The following COBL variants were observed in gnomAD, a reference collection of about 807,000 sequenced individuals.
COBL encodes the protein cordon-bleu WH2 repeat protein, also known as protein cordon-bleu.
Under a neutral mutation model 98.8 loss-of-function variants are expected in COBL, and 51 were observed. The observed-to-expected ratio is 0.52, with a 90% CI of 0.41 to 0.65. The LOEUF is 0.65. Among genes scored for constraint, COBL ranks in the 30% least tolerant of loss-of-function variants. The pLI is 0.00. For synonymous variants in COBL, 634 were observed against 651.7 expected (o/e 0.97, Z 0.41); for missense variants, 1,617 against 1,617.5 (o/e 1.00, Z 0.01).
chr7:51,133,429 T>C (rs1798933761), intron 6 of COBL, among the ~76,000 whole-genome samples: 1 of 152,164 alleles, frequency 6.6e-6, no homozygotes, highest in South Asian at 2.1e-4. Context: ...AGCCAGCAGC[T>C]GAGGGAGGTA....
At chr7:51,267,269 A>G (rs1332330200) in intron 1 of COBL, among the ~76,000 whole-genome samples, 1 of 152,174 alleles carries the variant, frequency 6.6e-6, no homozygotes. Context: ...ACTTTATGAA[A>G]GATTTTCCTC....
chr7:51,128,201 A>G (rs1256045041), intron 6 of COBL, among the ~76,000 whole-genome samples: 1 of 152,234 alleles, frequency 6.6e-6, no homozygotes. Context: ...CTTCTTTTGC[A>G]GGCATCTCTG....
intron 1 of COBL, among the ~76,000 whole-genome samples, chr7:51,248,284 C>T (rs905361603): frequency 1.3e-5 from 2 of 152,072 alleles, no homozygotes; most frequent in Non-Finnish European, 2.9e-5. Flanking sequence ...TGCTCTATCT[C>T]GTTGATTTAG....
chr7:51,187,240 G>T (rs1445338928), intron 4 of COBL, among the ~76,000 whole-genome samples: 1 of 151,338 alleles, frequency 6.6e-6, no homozygotes, highest in Non-Finnish European at 1.5e-5. Flanking sequence ...GGAAGCGGGG[G>T]ACCAGGTCAA....
At chr7:51,162,008 C>T (rs193228541) in intron 5 of COBL, among the ~76,000 whole-genome samples, 1 of 152,290 alleles carries the variant, frequency 6.6e-6, no homozygotes, top group East Asian at 1.9e-4. Flanking sequence ...CTTGTCTCAT[C>T]CGTTAGCACA....
intron 5 of COBL, chr7:51,156,312 C>G (rs1786126382): frequency 1.2e-5 from 12 of 985,234 alleles, no homozygotes; most frequent in Non-Finnish European, 1.3e-5. Flanking sequence ...GATGTCCAGA[C>G]AGTAGTTATT....
rs1129262 is a variant in COBL, at chr7:51,025,352, C to T, written c.3525G>A (p.Glu1175=). The part of the protein sequence containing the change: ...SLRKVASSAS[E]ELQSFRDAAL... The stretch of plus-strand genomic sequence containing the variant: ...CGGCATCTCGGAAGCTCTGGAGCTC[C>T]TCAGAAGCAGAGGATGCCACCTGGC... Residue 1175 remains glutamate, a synonymous_variant, in exon 12 of 13, where the codon GAG becomes GAA. Transcript: ENST00000265136. 9.2e-3 allele frequency: 14,864 copies of T among 1,613,308 alleles called. 98 individuals carry two copies. The highest frequency in any genetic ancestry group is 0.011 in the Non-Finnish European group (12,480 of 1,180,000).
At chr7:51,199,127 T>C (rs943405535) in intron 2 of COBL, among the ~76,000 whole-genome samples, 5 of 152,134 alleles carry the variant, frequency 3.3e-5, no homozygotes, top group African/African-American at 1.2e-4. Flanking sequence ...CAACTGCAGA[T>C]ACTAAAGTAG....
intron 11 of COBL, among the ~76,000 whole-genome samples, chr7:51,025,797 T>A (rs760033274): frequency 2.6e-5 from 4 of 152,150 alleles, no homozygotes; most frequent in African/African-American, 4.8e-5. Flanking sequence ...CACAGCTGAT[T>A]ATCTTACCCC....
intron 7 of COBL, among the ~76,000 whole-genome samples, chr7:51,061,631 G>C (rs148196779): frequency 0.011 from 1,738 of 152,266 alleles, 28 homozygotes; most frequent in South Asian, 0.046. Flanking sequence ...CTGTTTACCA[G>C]AGTGATCAGC....
intron 1 of COBL, among the ~76,000 whole-genome samples, chr7:51,287,524 C>T (rs952644053): frequency 6.6e-6 from 1 of 152,178 alleles, no homozygotes; most frequent in Admixed American, 6.5e-5. Context: ...TCATGCACTG[C>T]TGGTGGGAAT....
intron 1 of COBL, among the ~76,000 whole-genome samples, chr7:51,235,039 G>C (rs1420103968): frequency 1.3e-5 from 2 of 152,116 alleles, no homozygotes; most frequent in East Asian, 1.9e-4. Flanking sequence ...GGGTCCTGAG[G>C]GACAGTCTGC....
At chr7:51,246,447 T>C (rs529491853) in intron 1 of COBL, among the ~76,000 whole-genome samples, 1 of 152,230 alleles carries the variant, frequency 6.6e-6, no homozygotes, top group South Asian at 2.1e-4. Flanking sequence ...CAATCATGGC[T>C]CACTCCCCAA....
chr7:51,220,305 G>A (rs1447599374), intron 1 of COBL, among the ~76,000 whole-genome samples: 4 of 152,130 alleles, frequency 2.6e-5, no homozygotes, highest in Admixed American at 6.5e-5. Context: ...TGATCACAAT[G>A]AATCAGGTGG....
chr7:51,257,803 C>T (rs113259344), intron 1 of COBL, among the ~76,000 whole-genome samples: 50 of 152,078 alleles, frequency 3.3e-4, no homozygotes, highest in Non-Finnish European at 6.0e-4. Context: ...GTAAAATAAT[C>T]TGATCTTTAA....
At chr7:51,263,606 AGT>A (rs1372455375) in intron 1 of COBL, among the ~76,000 whole-genome samples, 5 of 151,826 alleles carry the variant, frequency 3.3e-5, no homozygotes, top group Non-Finnish European at 5.9e-5. Flanking sequence ...CCCACACCTG[AGT>A]GCTTTTAGTT....
At chr7:51,233,732 G>A (rs928521440) in intron 1 of COBL, among the ~76,000 whole-genome samples, 5 of 152,146 alleles carry the variant, frequency 3.3e-5, no homozygotes, top group South Asian at 4.1e-4. Flanking sequence ...TTGGGGCCAC[G>A]GACTCACATG....
At chr7:51,169,255 C>A (rs968656264) in intron 5 of COBL, among the ~76,000 whole-genome samples, 1 of 152,028 alleles carries the variant, frequency 6.6e-6, no homozygotes, top group Admixed American at 6.6e-5. Flanking sequence ...GCTGGAAGTC[C>A]CCCAACACCC....
intron 4 of COBL, among the ~76,000 whole-genome samples, chr7:51,187,459 A>G (rs1478711946): frequency 6.6e-6 from 1 of 152,106 alleles, no homozygotes; most frequent in Admixed American, 6.6e-5. Flanking sequence ...AATCTGGACT[A>G]ATCATTTGCA....
Sources: gnomAD v4.1 joint callset for allele counts (sites outside exome capture counted in the v4.1 genomes callset) on GRCh38, gnomAD v4.1.1 for gene constraint, MANE v1.5 for transcripts, NCBI Gene and HGNC (gene_info 2026-07-23, HGNC 2026-07-21) for gene names.